The following PCDHGB7 variants were observed in gnomAD, a reference collection of about 807,000 sequenced individuals.
PCDHGB7 encodes the protein protocadherin gamma-B7.
In PCDHGB7, 37 loss-of-function variants were observed where a neutral mutation model predicts 61.4. The observed-to-expected ratio is 0.60, with a 90% CI of 0.46 to 0.79. PCDHGB7 has a LOEUF of 0.79. Among genes scored for constraint, PCDHGB7 ranks in the 30% least tolerant of loss-of-function variants. The pLI is 0.00. For synonymous variants in PCDHGB7, 464 were observed against 503.5 expected, an observed-to-expected ratio of 0.92 and a Z score of 1.05; for missense variants, 1,166 against 1,202.5, an observed-to-expected ratio of 0.97 and a Z score of 0.45.
At chr5:141,504,528 C>T (rs750099460) in intron 2 of PCDHGB7, among the ~76,000 whole-genome samples, 2 of 151,854 alleles carry the variant, frequency 1.3e-5, no homozygotes, top group Non-Finnish European at 2.9e-5. Flanking sequence ...ATATTTTATT[C>T]GTGTCATCAT....
chr5:141,487,671 G>A lies in PCDHGB7; in HGVS notation c.2416-7136G>A. The A allele has an allele frequency of 6.2e-7, 1 of 1,612,012 alleles. No homozygotes were observed. The highest frequency in any genetic ancestry group is 8.5e-7 in the Non-Finnish European group (1 of 1,178,932). ...GAGGGTTATTCTGATCCAGGCATAT[G>A]GCTAGGCCATGTCCTAGAGAGTACT... On this transcript the variant is annotated intron_variant, in intron 1 of 3. Transcript: ENST00000398594. This position sits in a 1 kb window ranked among gnomAD's most constrained non-coding sequence, Gnocchi z 5.0.
intron 1 of PCDHGB7, among the ~76,000 whole-genome samples, chr5:141,447,063 G>C (rs762309557): frequency 6.6e-6 from 1 of 152,028 alleles, no homozygotes; most frequent in South Asian, 2.1e-4. Context: ...AATGTGTCAG[G>C]CTGTTTTAAT....
chr5:141,478,499 G>A (rs77463374), intron 1 of PCDHGB7: 18 of 1,612,728 alleles, frequency 1.1e-5, no homozygotes, highest in African/African-American at 2.7e-5. Context: ...CTGTGATCCG[G>A]TGTTCTATAG....
Position 141,438,643 on chromosome 5 carries a change from C to CATAT in PCDHGB7, c.2415+18370_2415+18371insTATA, listed in dbSNP as rs1213792286. ...ATATATATATATATATATACACACACACACACACATATATGTATATATATA... is the reference window on the plus strand; with the variant it reads ...ATATATATATATATATATACACACACATATACACACACATATATGTATATATATA... On this transcript the variant is annotated intron_variant, in intron 1 of 3. Transcript: ENST00000398594. Among the ~76,000 whole-genome samples, 345 of 117,382 alleles carry CATAT rather than the reference C, an allele frequency of 2.9e-3. 2 individuals are homozygous for CATAT. Among genetic ancestry groups the CATAT allele is most frequent in the Admixed American group, 6.8e-3 (78 of 11,434 alleles). 77.0% of individuals were successfully genotyped at this position (117,382 alleles called of 152,430 possible). A position where few individuals can be genotyped will look rare whatever the true frequency, so the allele number is the denominator to read the frequency against.
At chr5:141,465,747 A>G (rs2099108470) in intron 1 of PCDHGB7, among the ~76,000 whole-genome samples, 2 of 151,126 alleles carry the variant, frequency 1.3e-5, no homozygotes, top group African/African-American at 4.9e-5. Flanking sequence ...TCAGGATCAG[A>G]CTGGTAAAGT....
At chr5:141,481,649 C>G (rs1199734660) in intron 1 of PCDHGB7, among the ~76,000 whole-genome samples, 1 of 152,012 alleles carries the variant, frequency 6.6e-6, no homozygotes, top group African/African-American at 2.4e-5. Flanking sequence ...GAAACTTCAT[C>G]TCTACTAATA....
At chr5:141,425,717 C>G (rs1207360676) in intron 1 of PCDHGB7, among the ~76,000 whole-genome samples, 1 of 152,188 alleles carries the variant, frequency 6.6e-6, no homozygotes, top group African/African-American at 2.4e-5. Context: ...TTTTCCCATA[C>G]CACTTGATGG....
Position 141,419,681 on chromosome 5 carries a change from G to A in PCDHGB7, c.1822G>A (p.Val608Met), listed in dbSNP as rs377117997. ...GCACAATGCCTGGCTGTCCTACCACGTGGTGCAGGCCAGTGAGCCCGGGCT... is the reference window on the plus strand; with the variant it reads ...GCACAATGCCTGGCTGTCCTACCACATGGTGCAGGCCAGTGAGCCCGGGCT... The part of the protein sequence containing the change: ...SGHNAWLSYH[V>M]VQASEPGLFS... Residue 608 changes from valine (V) to methionine (M), a missense_variant, in exon 1 of 4, where the codon GTG becomes ATG. Val to Met is a conservative substitution (Grantham distance 21, BLOSUM62 1). Coordinates refer to ENST00000398594, the MANE Select transcript of PCDHGB7 (RefSeq NM_018927.4). 76 of 1,612,904 alleles carry A rather than the reference G, an allele frequency of 4.7e-5. No homozygotes were observed. The highest frequency in any genetic ancestry group is 5.7e-5 in the Non-Finnish European group (67 of 1,179,706).
chr5:141,464,048 T>C (rs377735829), intron 1 of PCDHGB7, among the ~76,000 whole-genome samples: 1 of 152,260 alleles, frequency 6.6e-6, no homozygotes, highest in South Asian at 2.1e-4. Context: ...GTGGATCACC[T>C]GAGGTCAGGA....
Position 141,432,388 on chromosome 5 carries a change from C to T in PCDHGB7, c.2415+12114C>T. The T allele has an allele frequency of 6.2e-7, 1 of 1,614,258 alleles. No homozygotes were observed. The highest frequency in any genetic ancestry group is 2.2e-5 in the East Asian group (1 of 44,892). The stretch of plus-strand genomic sequence containing the variant: ...GGGACAACGGGCACCCGCCCCTCAG[C>T]AGCAACGTGTCGTTGAGCCTGTTCG... On this transcript the variant is annotated intron_variant, in intron 1 of 3. Transcript: ENST00000398594. This position sits in a 1 kb window ranked among gnomAD's most constrained non-coding sequence, Gnocchi z 6.0.
chr5:141,436,856 G>A (rs942357563), intron 1 of PCDHGB7, among the ~76,000 whole-genome samples: 2 of 152,246 alleles, frequency 1.3e-5, no homozygotes, highest in Admixed American at 1.3e-4. Context: ...TGATTGAGAA[G>A]CCACAGTTTT....
intron 1 of PCDHGB7, among the ~76,000 whole-genome samples, chr5:141,435,375 A>G (rs80179854): frequency 0.034 from 5,131 of 152,264 alleles, 102 homozygotes; most frequent in Middle Eastern, 0.088. Flanking sequence ...TTAAATATAC[A>G]ATATACCGTA....
At chr5:141,445,420 T>C (rs968387442) in intron 1 of PCDHGB7, among the ~76,000 whole-genome samples, 3 of 152,204 alleles carry the variant, frequency 2.0e-5, no homozygotes, top group Admixed American at 6.5e-5. Context: ...GTCTGCTATA[T>C]GCAAGGCACT....
chr5:141,511,733 T>C lies in PCDHGB7; in HGVS notation c.*560T>C, dbSNP rs1032711521. 9 of 177,040 alleles carry C rather than the reference T, an allele frequency of 5.1e-5. No individual in the cohort carries two copies. The highest frequency in any genetic ancestry group is 8.7e-5 in the Non-Finnish European group (7 of 80,868). The allele number at this position is 177,040 out of a possible 1,614,324, so 11.0% of individuals were successfully genotyped here. ...TCCTTCCAGAGCCCAAGATCAATGC[T>C]CAAGTTTTGGAGGACATGATCACCA... On this transcript the variant is annotated 3_prime_UTR_variant, in exon 4 of 4. Transcript: ENST00000398594.
At position 141,432,730 on chromosome 5, in the gene PCDHGB7, T is replaced by A; in HGVS notation, c.2415+12456T>A. 6.2e-7 allele frequency: 1 copy of A among 1,614,052 alleles called. No homozygotes were observed. Among genetic ancestry groups the A allele is most frequent in the Non-Finnish European group, 8.5e-7 (1 of 1,179,976 alleles). Reference sequence around the variant, plus strand: ...ACGGCCAGCCCCCTCTCTCCGCCACTGTCACGCTCACCGTGGCCGTGGCCG... The same window carrying A: ...ACGGCCAGCCCCCTCTCTCCGCCACAGTCACGCTCACCGTGGCCGTGGCCG... On this transcript the variant is annotated intron_variant, in intron 1 of 3. Transcript: ENST00000398594. The surrounding 1 kb of genome is among the most constrained non-coding windows in gnomAD (Gnocchi z 6.0).
In PCDHGB7 at chr5:141,432,647, C is replaced by T; in HGVS notation, c.2415+12373C>T. On this transcript the variant is annotated intron_variant, in intron 1 of 3. Coordinates refer to ENST00000398594, the MANE Select transcript of PCDHGB7 (RefSeq NM_018927.4). This position sits in a 1 kb window ranked among gnomAD's most constrained non-coding sequence, Gnocchi z 6.0. ...GCACACGGGCGAGGTGCGCACGGCG[C>T]GAGCCCTGCTGGACAGAGACGCGCT... 3 of 1,613,796 alleles carry T rather than the reference C, an allele frequency of 1.9e-6. No homozygotes were observed. Among genetic ancestry groups the T allele is most frequent in the Admixed American group, 1.7e-5 (1 of 60,008 alleles).
At position 141,487,939 on chromosome 5, in the gene PCDHGB7, C is replaced by A; in HGVS notation, c.2416-6868C>A. ...AGGCTACAGTGCACAGGGTACAGTG[C>A]ACCAGGCAGTCACTTGGACAAAGGT... On this transcript the variant is annotated intron_variant, in intron 1 of 3. Coordinates refer to ENST00000398594, the MANE Select transcript of PCDHGB7 (RefSeq NM_018927.4). The surrounding 1 kb of genome is among the most constrained non-coding windows in gnomAD (Gnocchi z 5.0). The A allele has an allele frequency of 1.7e-6, 1 of 600,512 alleles. No individual in the cohort carries two copies. Among genetic ancestry groups the A allele is most frequent in the Non-Finnish European group, 2.9e-6 (1 of 343,042 alleles). The allele number at this position is 600,512 out of a possible 1,614,324, so 37.2% of individuals were successfully genotyped here.
rs1478835703 is a variant in PCDHGB7, at chr5:141,419,639, G to A, written c.1780G>A (p.Val594Met). ...PGYLVTKVVA[V>M]DADSGHNAWL... ...CTACCTGGTGACCAAGGTGGTGGCC[G>A]TGGACGCGGACTCGGGGCACAATGC... The change falls in exon 1 of 4, where the codon GTG (valine) becomes ATG (methionine). Residue 594 changes from valine to methionine, a missense_variant. Physicochemically the swap from Val to Met is conservative, Grantham distance 21 (BLOSUM62 1). Coordinates refer to ENST00000398594, the MANE Select transcript of PCDHGB7 (RefSeq NM_018927.4). The A allele has an allele frequency of 6.2e-7, 1 of 1,612,442 alleles. No homozygotes were observed. The highest frequency in any genetic ancestry group is 1.3e-5 in the African/African-American group (1 of 75,068).
At chr5:141,510,850 G>A in intron 3 of PCDHGB7, 97 bp from the exon 4 acceptor site, 4 of 1,599,444 alleles carry the variant, frequency 2.5e-6, no homozygotes, top group South Asian at 1.1e-5. Context: ...AAGGCCCAGG[G>A]TGCTGTATAG....
Sources: allele counts gnomAD v4.1 joint callset (sites outside exome capture counted in the v4.1 genomes callset), GRCh38; gene constraint gnomAD v4.1.1; non-coding constraint Gnocchi (gnomAD v3.1); transcripts MANE v1.5; gene names NCBI Gene and HGNC (gene_info 2026-07-23, HGNC 2026-07-21).